Variants in ABLIM2 observed in about 807,000 individuals in gnomAD.
The protein encoded by ABLIM2 is actin-binding LIM protein 2.
ABLIM2 carries 53 observed loss-of-function variants against 97.7 expected under a neutral mutation model. That is an observed-to-expected ratio of 0.54 (90% CI 0.44 to 0.68). The LOEUF (loss-of-function observed/expected upper bound fraction) is 0.68, where lower values mean the gene tolerates loss of function less well. Among genes scored for constraint, ABLIM2 ranks in the 30% least tolerant of loss-of-function variants. ABLIM2 has a pLI of 0.00. For missense variants in ABLIM2, 835 were observed against 867.2 expected (o/e 0.96, Z 0.47); for synonymous variants, 361 against 345.8 (o/e 1.04, Z -0.49).
At position 8,123,899 on chromosome 4, in the gene ABLIM2, G is replaced by A. The variant is rs938106758; in HGVS notation, c.11-17262C>T. On this transcript the variant is annotated intron_variant, in intron 1 of 20. Transcript: ENST00000447017. This position sits in a 1 kb window ranked among gnomAD's most constrained non-coding sequence, Gnocchi z 6.2. ...TAACCTCTGGAGACACGGTTCCTTT[G>A]GGTTCAATGACAAAAATAACTTCAT... is the stretch of plus-strand genomic sequence containing the variant. Among the ~76,000 whole-genome samples the A allele has an allele frequency of 2.6e-5, 4 of 152,152 alleles. No homozygotes were observed. Among genetic ancestry groups the A allele is most frequent in the Non-Finnish European group, 4.4e-5 (3 of 68,020 alleles).
At chr4:8,060,789 A>G (rs1164608120) in intron 7 of ABLIM2, among the ~76,000 whole-genome samples, 178 bp downstream of exon 7, 2 of 152,132 alleles carry the variant, frequency 1.3e-5, no homozygotes, top group Non-Finnish European at 2.9e-5. Flanking sequence ...AGGCAGGCTG[A>G]CGAGGCTGGC....
rs1432105921 is a variant in ABLIM2 at position 8,032,523 on chromosome 4, G to A, written c.1048-2747C>T. The A allele has an allele frequency of 1.5e-5, 19 of 1,226,610 alleles. No homozygotes were observed. The highest frequency in any genetic ancestry group is 2.2e-5 in the Non-Finnish European group (19 of 852,038). 76.0% of individuals were successfully genotyped at this position (1,226,610 alleles called of 1,614,324 possible). On this transcript the variant is annotated intron_variant, in intron 10 of 20. Transcript: ENST00000447017. This position sits in a 1 kb window ranked among gnomAD's most constrained non-coding sequence, Gnocchi z 4.3. ...GGTGCCCCATGTCACAAGGGCCGTGGCCCCGGGCCCCATGGTGAAGAGCCA... is the reference window on the plus strand; with the variant it reads ...GGTGCCCCATGTCACAAGGGCCGTGACCCCGGGCCCCATGGTGAAGAGCCA...
chr4:8,044,990 T>C lies in ABLIM2; in HGVS notation c.900+174A>G, dbSNP rs925043544. Among the ~76,000 whole-genome samples the C allele has an allele frequency of 3.3e-5, 5 of 152,190 alleles. No individual in the cohort carries two copies. Among genetic ancestry groups the C allele is most frequent in the African/African-American group, 1.2e-4 (5 of 41,436 alleles). On this transcript the variant is annotated intron_variant, in intron 9 of 20. Transcript: ENST00000447017. This position sits in a 1 kb window ranked among gnomAD's most constrained non-coding sequence, Gnocchi z 4.4. Reference sequence around the variant, plus strand: ...CAAACATGTCTGTGTTTCAGACTCATAAAGCCTGTACCAACCTCCACCCCG... The same window carrying C: ...CAAACATGTCTGTGTTTCAGACTCACAAAGCCTGTACCAACCTCCACCCCG...
At chr4:8,099,908 T>C (rs1377891732) in intron 2 of ABLIM2, among the ~76,000 whole-genome samples, 1 of 152,136 alleles carries the variant, frequency 6.6e-6, no homozygotes, top group East Asian at 1.9e-4. Context: ...AATAAAATGT[T>C]CAAGTTCCCT....
rs1773368977 is a variant in ABLIM2 at position 8,021,083 on chromosome 4, T to C, written c.1268-780A>G. Reference sequence around the variant, plus strand: ...GTTGCCCTGGCTGGTCTTGAACTCCTGGGCTCAAGCAATCTGCCCACCTCT... The same window carrying C: ...GTTGCCCTGGCTGGTCTTGAACTCCCGGGCTCAAGCAATCTGCCCACCTCT... On this transcript the variant is annotated intron_variant, in intron 12 of 20. Transcript: ENST00000447017. The surrounding 1 kb of genome is among the most constrained non-coding windows in gnomAD (Gnocchi z 5.5). Among the ~76,000 whole-genome samples, 1 of 152,080 alleles carries C rather than the reference T, an allele frequency of 6.6e-6. No individual in the cohort carries two copies. Among genetic ancestry groups the C allele is most frequent in the African/African-American group, 2.4e-5 (1 of 41,392 alleles).
rs1810507690 is a variant in ABLIM2 at position 8,069,731 on chromosome 4, T to A, written c.675+7897A>T. On this transcript the variant is annotated intron_variant, in intron 6 of 20. Coordinates refer to ENST00000447017, the MANE Select transcript of ABLIM2 (RefSeq NM_001130083.2). This position sits in a 1 kb window ranked among gnomAD's most constrained non-coding sequence, Gnocchi z 4.2. ...TTGCTATGTGCAGTCTCTGTGTCCA[T>A]GTGTCCTTGTGTTGTCTGTGTACGT... 1.3e-5 allele frequency among the ~76,000 whole-genome samples: 2 copies of A among 151,846 alleles called. No individual in the cohort carries two copies. The highest frequency in any genetic ancestry group is 4.8e-5 in the African/African-American group (2 of 41,330).
chr4:8,098,821 CCTGGCTCAGTGTCGAGGCCCTGG>C (rs1833020219), intron 2 of ABLIM2, among the ~76,000 whole-genome samples: 1 of 152,204 alleles, frequency 6.6e-6, no homozygotes, highest in Non-Finnish European at 1.5e-5. Context: ...CTGAGTCCTG[CCTGGCTCAGTGTCGAGGCCCTGG>C]CTGCTGCTCT....
At chr4:8,017,856 G>A (rs1454662467) in intron 14 of ABLIM2, among the ~76,000 whole-genome samples, 1 of 152,130 alleles carries the variant, frequency 6.6e-6, no homozygotes, top group Admixed American at 6.5e-5. Flanking sequence ...TAGCTGGCAC[G>A]ATGGTTTGCT....
chr4:8,074,350 G>A (rs1255965453), intron 6 of ABLIM2, among the ~76,000 whole-genome samples: 4 of 152,166 alleles, frequency 2.6e-5, no homozygotes, highest in Non-Finnish European at 5.9e-5. Context: ...GGCTACGTGG[G>A]AGCCTGAGGA....
intron 5 of ABLIM2, among the ~76,000 whole-genome samples, chr4:8,078,013 G>T (rs1356423940): frequency 2.0e-5 from 3 of 152,206 alleles, no homozygotes; most frequent in African/African-American, 4.8e-5. Flanking sequence ...TGGGAAACGA[G>T]AGCTGCTTCT....
chr4:8,136,311 G>A (rs913756758), intron 1 of ABLIM2, among the ~76,000 whole-genome samples: 1 of 152,186 alleles, frequency 6.6e-6, no homozygotes. Context: ...AGGGGGACAC[G>A]GCTTCTGTTT....
In ABLIM2 at chr4:8,033,980, C is replaced by T. The variant is rs976791015; in HGVS notation, c.1047+2169G>A. Reference sequence around the variant, plus strand: ...CACTCAAACCAGGAAGGGGTGTGCCCGATGCCCCAAGGCTGCCAGGAGGTG... The same window carrying T: ...CACTCAAACCAGGAAGGGGTGTGCCTGATGCCCCAAGGCTGCCAGGAGGTG... On this transcript the variant is annotated intron_variant, in intron 10 of 20. Coordinates refer to ENST00000447017, the MANE Select transcript of ABLIM2 (RefSeq NM_001130083.2). This position sits in a 1 kb window ranked among gnomAD's most constrained non-coding sequence, Gnocchi z 4.5. 1.3e-5 allele frequency among the ~76,000 whole-genome samples: 2 copies of T among 152,170 alleles called. No individual in the cohort carries two copies. The highest frequency in any genetic ancestry group is 1.5e-5 in the Non-Finnish European group (1 of 68,026).
chr4:8,142,526 A>G (rs996731364), intron 1 of ABLIM2, among the ~76,000 whole-genome samples: 5 of 152,216 alleles, frequency 3.3e-5, no homozygotes, highest in Non-Finnish European at 7.3e-5. Context: ...CTAAGCCTCA[A>G]AACAAGTGCC....
At chr4:8,008,961 G>T in intron 15 of ABLIM2, 89 bp downstream of exon 15, 1 of 1,470,670 alleles carries the variant, frequency 6.8e-7, no homozygotes, top group South Asian at 1.1e-5. Flanking sequence ...GTAAGAGGAA[G>T]ATTCGAAGTC....
In ABLIM2 at chr4:7,999,638, A is replaced by T. The variant is rs1755716186; in HGVS notation, c.1619-6711T>A. Among the ~76,000 whole-genome samples the T allele has an allele frequency of 6.6e-6, 1 of 152,222 alleles. No homozygotes were observed. Among genetic ancestry groups the T allele is most frequent in the African/African-American group, 2.4e-5 (1 of 41,450 alleles). On this transcript the variant is annotated intron_variant, in intron 16 of 20. Coordinates refer to ENST00000447017, the MANE Select transcript of ABLIM2 (RefSeq NM_001130083.2). This position sits in a 1 kb window ranked among gnomAD's most constrained non-coding sequence, Gnocchi z 4.4. ...TAATGCATGTCAGATGGAAGCAGAC[A>T]GCCTTCAAGAGGCGGGGTGTGTGTA...
rs983372686 is a variant in ABLIM2 at position 8,155,831 on chromosome 4, C to A, written c.10+2849G>T. Among the ~76,000 whole-genome samples, 2 of 151,534 alleles carry A rather than the reference C, an allele frequency of 1.3e-5. No homozygotes were observed. The highest frequency in any genetic ancestry group is 3.0e-5 in the Non-Finnish European group (2 of 67,796). On this transcript the variant is annotated intron_variant, in intron 1 of 20. Transcript: ENST00000447017. The surrounding 1 kb of genome is among the most constrained non-coding windows in gnomAD (Gnocchi z 4.2). ...GACACAGACACACACAAAGGGAAGA[C>A]GGGGCGAGGACACAGACACACACAA...
In ABLIM2 at chr4:8,080,792, GC is replaced by G; in HGVS notation, c.464del (p.Gly155AlafsTer13). On this transcript the variant is annotated frameshift_variant, in exon 5 of 21. Transcript: ENST00000447017. LOFTEE classifies it high-confidence loss of function. ...GGCCATTCTTGATTTCTGTGCCGCA[GC>G]CCCCACAACCTGGAAGAAAGAGAAG... ...HLSQGLRSCGGCGTEIKNGQA... is the reference protein window; with the variant it reads ...HLSQGLRSCGXCGTEIKNGQA... 6.2e-7 allele frequency: 1 copy of G among 1,607,768 alleles called. No individual in the cohort carries two copies. Among genetic ancestry groups the G allele is most frequent in the Non-Finnish European group, 8.5e-7 (1 of 1,176,192 alleles).
chr4:8,102,003 C>T lies in ABLIM2; in HGVS notation c.154+4491G>A, dbSNP rs77671676. On this transcript the variant is annotated intron_variant, in intron 2 of 20. Transcript: ENST00000447017. The stretch of plus-strand genomic sequence containing the variant: ...CCAGCCTAGGTGCCCGCACCTGCCT[C>T]TAGCCTCCTCCCGACTCCCACCCTG... Among the ~76,000 whole-genome samples the T allele has an allele frequency of 3.3e-3, 499 of 152,324 alleles. 3 individuals carry two copies. Among genetic ancestry groups the T allele is most frequent in the Middle Eastern group, 0.01 (3 of 294 alleles).
In ABLIM2 at chr4:8,102,851, C is replaced by T. The variant is rs530652506; in HGVS notation, c.154+3643G>A. ...TGGGCTAAGTCAGCCACGAGCCCCC[C>T]GTTCCTCTTTGCCGGTGGGGGTGAA... On this transcript the variant is annotated intron_variant, in intron 2 of 20. Coordinates refer to ENST00000447017, the MANE Select transcript of ABLIM2 (RefSeq NM_001130083.2). 2.1e-4 allele frequency among the ~76,000 whole-genome samples: 32 copies of T among 152,358 alleles called. No individual in the cohort carries two copies. In the South Asian group the frequency reaches 3.5e-3, roughly 17 times the overall value.
Sources: allele counts gnomAD v4.1 joint callset (sites outside exome capture counted in the v4.1 genomes callset), GRCh38; gene constraint gnomAD v4.1.1; non-coding constraint Gnocchi (gnomAD v3.1); transcripts MANE v1.5; gene names NCBI Gene and HGNC (gene_info 2026-07-23, HGNC 2026-07-21).